The following LYST variants were observed in gnomAD, a reference collection of about 807,000 sequenced individuals.
The protein encoded by LYST is lysosomal trafficking regulator, also known as lysosomal-trafficking regulator.
LYST carries 192 observed loss-of-function variants against 413.6 expected under a neutral mutation model. The ratio of observed to expected loss-of-function variants is 0.46; its 90% CI spans 0.41 to 0.52. LYST has a LOEUF of 0.52. LYST is among the 20% of genes least tolerant of loss of function. The pLI is 0.00. For missense variants in LYST, 3,815 were observed against 4,499.9 expected, an observed-to-expected ratio of 0.85 and a Z score of 4.35; for synonymous variants, 1,525 against 1,567.3, an observed-to-expected ratio of 0.97 and a Z score of 0.64.
At chr1:235,871,522 CATATA>C (rs140936012), upstream of LYST, among the ~76,000 whole-genome samples, 2,701 of 152,230 alleles carry the variant, frequency 0.018, 74 homozygotes, top group African/African-American at 0.061. Flanking sequence ...CTTTAAAGAT[CATATA>C]ATATACTCAT....
chr1:235,689,553 T>G (rs896766720), intron 47 of LYST, among the ~76,000 whole-genome samples: 1 of 152,188 alleles, frequency 6.6e-6, no homozygotes, highest in African/African-American at 2.4e-5. Flanking sequence ...TTGTGCAGGA[T>G]GATTACGTTC....
chr1:235,856,723 A>T (rs1339891219), intron 1 of LYST, among the ~76,000 whole-genome samples: 1 of 152,208 alleles, frequency 6.6e-6, no homozygotes, highest in Non-Finnish European at 1.5e-5. Flanking sequence ...AAATAAGGCT[A>T]ATAGAGAAAT....
intron 13 of LYST, 76 bp downstream of exon 13, chr1:235,788,625 G>T: frequency 7.1e-7 from 1 of 1,408,772 alleles, no homozygotes; most frequent in Non-Finnish European, 1.0e-6. Flanking sequence ...TTTATTAGTA[G>T]ATTTCACATT....
intron 1 of LYST, among the ~76,000 whole-genome samples, chr1:235,860,552 C>T (rs12137187): frequency 0.029 from 4,353 of 152,260 alleles, 115 homozygotes; most frequent in South Asian, 0.11. Flanking sequence ...CATAGTTTTG[C>T]CTTTCCCAGA....
At chr1:235,795,190 T>G (rs1298928553) in intron 10 of LYST, among the ~76,000 whole-genome samples, 1 of 152,052 alleles carries the variant, frequency 6.6e-6, no homozygotes, top group African/African-American at 2.4e-5. Context: ...TAACGAAAGG[T>G]CTGTCTGTGA....
chr1:235,703,797 G>C (rs551807538), intron 44 of LYST, among the ~76,000 whole-genome samples: 3 of 152,086 alleles, frequency 2.0e-5, no homozygotes, highest in Non-Finnish European at 4.4e-5. Flanking sequence ...ACATGTGCAG[G>C]TTTGTTATTT....
intron 13 of LYST, among the ~76,000 whole-genome samples, chr1:235,788,423 GGTGATCT>G (rs1197281305): frequency 4.6e-5 from 7 of 151,812 alleles, no homozygotes; most frequent in African/African-American, 1.7e-4. Context: ...CCTGACCTCA[GGTGATCT>G]GCCTGCCTTG....
intron 19 of LYST, among the ~76,000 whole-genome samples, chr1:235,772,265 A>G (rs1378880061): frequency 1.3e-5 from 2 of 152,098 alleles, no homozygotes; most frequent in Non-Finnish European, 2.9e-5. Flanking sequence ...ATAACTCATT[A>G]CTGGTAATGT....
At chr1:235,841,702 C>T (rs569761089) in intron 1 of LYST, among the ~76,000 whole-genome samples, 247 of 151,894 alleles carry the variant, frequency 1.6e-3, no homozygotes, top group African/African-American at 5.6e-3. Flanking sequence ...TAGGCTGGGG[C>T]GGGGAAGCAG....
At chr1:235,713,604 G>T (rs1344313834) in intron 42 of LYST, among the ~76,000 whole-genome samples, 2 of 152,192 alleles carry the variant, frequency 1.3e-5, no homozygotes, top group Admixed American at 6.5e-5. Context: ...CTCACAACTG[G>T]GGGGATGGGG....
At chr1:235,863,309 C>T (rs1324246271) in intron 1 of LYST, among the ~76,000 whole-genome samples, 1 of 151,858 alleles carries the variant, frequency 6.6e-6, no homozygotes, top group African/African-American at 2.4e-5. Context: ...GGAGAATTGG[C>T]TGAACCTGGG....
chr1:235,727,355 C>A (rs1663979926), intron 38 of LYST, among the ~76,000 whole-genome samples: 2 of 151,972 alleles, frequency 1.3e-5, no homozygotes, highest in Admixed American at 1.3e-4. Flanking sequence ...AACTCCTGAC[C>A]TCAGGTGATC....
intron 48 of LYST, among the ~76,000 whole-genome samples, chr1:235,680,881 G>A (rs1403682066): frequency 6.6e-6 from 1 of 152,210 alleles, no homozygotes; most frequent in Non-Finnish European, 1.5e-5. Flanking sequence ...TTACAGGCGT[G>A]AGCCACCGCG....
upstream of LYST, among the ~76,000 whole-genome samples, chr1:235,869,286 C>A (rs1294873977): frequency 6.6e-6 from 1 of 152,036 alleles, no homozygotes; most frequent in Non-Finnish European, 1.5e-5. Flanking sequence ...TCCTGGCTAA[C>A]ACGGTGAAAC....
intron 1 of LYST, among the ~76,000 whole-genome samples, chr1:235,880,798 A>C (rs1302304067): frequency 6.6e-6 from 1 of 152,236 alleles, no homozygotes; most frequent in Non-Finnish European, 1.5e-5. Flanking sequence ...GCAAATGGGA[A>C]GAACAAGTAT....
At chr1:235,845,576 T>C (rs894159206) in intron 1 of LYST, among the ~76,000 whole-genome samples, 3 of 151,790 alleles carry the variant, frequency 2.0e-5, no homozygotes, top group African/African-American at 7.3e-5. Context: ...AGCTGAGAGG[T>C]GGATAGCCTC....
chr1:235,808,645 C>T lies in LYST; in HGVS notation c.2173G>A (p.Val725Ile). 2 of 1,612,904 alleles carry T rather than the reference C, an allele frequency of 1.2e-6. No individual in the cohort carries two copies. Among genetic ancestry groups the T allele is most frequent in the African/African-American group, 1.3e-5 (1 of 75,018 alleles). ...ICNLIQKGNI[V>I]VQWKLYNYIF... ...TAATTATATAATTTCCACTGAACAA[C>T]TATATTGCCTTTCTGGATTAAATTG... Residue 725 changes from valine (V) to isoleucine (I), a missense_variant, in exon 5 of 53, where the codon GTT becomes ATT. Physicochemically the swap from Val to Ile is conservative, Grantham distance 29. Transcript: ENST00000389793.
intron 28 of LYST, 69 bp from the exon 29 acceptor site, chr1:235,746,596 G>T: frequency 8.3e-7 from 1 of 1,198,790 alleles, no homozygotes; most frequent in Non-Finnish European, 1.2e-6. Context: ...TATTTTTGCT[G>T]AAATTTTTTG....
chr1:235,834,766 A>G (rs1676380097), intron 1 of LYST, among the ~76,000 whole-genome samples: 1 of 152,170 alleles, frequency 6.6e-6, no homozygotes. Flanking sequence ...ATCAAAGCAC[A>G]GGGTATATTT....
Sources: gnomAD v4.1 joint callset for allele counts (sites outside exome capture counted in the v4.1 genomes callset) on GRCh38, gnomAD v4.1.1 for gene constraint, MANE v1.5 for transcripts, NCBI Gene and HGNC (gene_info 2026-07-23, HGNC 2026-07-21) for gene names.